The following ERBB4 variants were observed in gnomAD, a reference collection of about 807,000 sequenced individuals.
The protein encoded by ERBB4 is erb-b2 receptor tyrosine kinase 4.
Under a neutral mutation model 158.0 loss-of-function variants are expected in ERBB4, and 42 were observed. The ratio of observed to expected loss-of-function variants is 0.27; its 90% CI spans 0.21 to 0.34. The LOEUF (loss-of-function observed/expected upper bound fraction) is 0.34. ERBB4 is among the 10% of genes least tolerant of loss of function. ERBB4 has a pLI of 1.00. For synonymous variants in ERBB4, 583 were observed against 558.7 expected, an observed-to-expected ratio of 1.04 and a Z score of -0.61; for missense variants, 1,333 against 1,624.1, an observed-to-expected ratio of 0.82 and a Z score of 3.08.
At chr2:212,192,321 AC>A (rs2082299215) in intron 1 of ERBB4, among the ~76,000 whole-genome samples, 1 of 151,518 alleles carries the variant, frequency 6.6e-6, no homozygotes, top group Admixed American at 6.6e-5. Flanking sequence ...TTGAAATAGA[AC>A]TTTTTAAATT....
chr2:212,393,049 A>G (rs2090924601), intron 1 of ERBB4, among the ~76,000 whole-genome samples: 1 of 152,040 alleles, frequency 6.6e-6, no homozygotes, highest in African/African-American at 2.4e-5. Flanking sequence ...CCCTGGGCAA[A>G]TTGGCATGGC....
intron 2 of ERBB4, among the ~76,000 whole-genome samples, chr2:212,119,412 A>C (rs999954190): frequency 1.3e-5 from 2 of 152,184 alleles, no homozygotes; most frequent in Admixed American, 6.5e-5. Context: ...AAGTGCCAGC[A>C]GTAGCAAAGA....
intron 15 of ERBB4, chr2:211,658,045 TA>T: frequency 7.5e-7 from 1 of 1,324,928 alleles, no homozygotes; most frequent in Non-Finnish European, 1.1e-6. Flanking sequence ...ATTAGTCATT[TA>T]AAAAATCAGT....
chr2:211,664,128 G>A (rs1233638858), intron 15 of ERBB4, among the ~76,000 whole-genome samples: 1 of 152,188 alleles, frequency 6.6e-6, no homozygotes, highest in African/African-American at 2.4e-5. Flanking sequence ...TTCACAGAGT[G>A]AGTTAAGCTT....
At chr2:211,392,108 G>A (rs1206806974) in intron 25 of ERBB4, among the ~76,000 whole-genome samples, 1 of 152,122 alleles carries the variant, frequency 6.6e-6, no homozygotes, top group Non-Finnish European at 1.5e-5. Flanking sequence ...AACTATTAAA[G>A]GTTCTCAACC....
At chr2:212,050,188 C>T (rs1358459169) in intron 2 of ERBB4, among the ~76,000 whole-genome samples, 1 of 151,972 alleles carries the variant, frequency 6.6e-6, no homozygotes, top group East Asian at 1.9e-4. Context: ...CTGGACCAAA[C>T]AGGGTATGTC....
At chr2:211,509,824 C>A (rs1232973796) in intron 20 of ERBB4, among the ~76,000 whole-genome samples, 1 of 152,026 alleles carries the variant, frequency 6.6e-6, no homozygotes, top group Non-Finnish European at 1.5e-5. Context: ...TACAAGCAGC[C>A]AGCAAACACA....
At chr2:211,920,225 T>C (rs1391483233) in intron 3 of ERBB4, among the ~76,000 whole-genome samples, 2 of 151,996 alleles carry the variant, frequency 1.3e-5, no homozygotes, top group Non-Finnish European at 2.9e-5. Context: ...ACAGCCCTTT[T>C]GGCTTATTGT....
chr2:212,329,334 C>T (rs2088014389), intron 1 of ERBB4, among the ~76,000 whole-genome samples: 1 of 152,016 alleles, frequency 6.6e-6, no homozygotes, highest in Admixed American at 6.6e-5. Flanking sequence ...CAACTTGAGA[C>T]TATAGAATTG....
chr2:211,656,647 G>A (rs886097069), intron 16 of ERBB4, among the ~76,000 whole-genome samples: 13 of 152,032 alleles, frequency 8.6e-5, no homozygotes, highest in African/African-American at 1.7e-4. Flanking sequence ...CTTATCCTCC[G>A]ATCTCCAGCT....
intron 2 of ERBB4, among the ~76,000 whole-genome samples, chr2:212,008,124 T>G (rs2125299120): frequency 6.6e-6 from 1 of 152,220 alleles, no homozygotes; most frequent in Non-Finnish European, 1.5e-5. Flanking sequence ...TGAGCTGTAT[T>G]TTTGCAACTA....
intron 3 of ERBB4, among the ~76,000 whole-genome samples, chr2:211,849,173 A>G (rs183242556): frequency 6.6e-6 from 1 of 152,144 alleles, no homozygotes; most frequent in African/African-American, 2.4e-5. Flanking sequence ...ATCAACATGA[A>G]AAAGTATTAT....
At chr2:212,128,001 C>T (rs1425791554) in intron 1 of ERBB4, among the ~76,000 whole-genome samples, 3 of 152,182 alleles carry the variant, frequency 2.0e-5, no homozygotes, top group African/African-American at 7.2e-5. Flanking sequence ...TATGTTGTTA[C>T]TATTTGTCTC....
At chr2:211,686,113 T>C (rs142258522) in intron 12 of ERBB4, among the ~76,000 whole-genome samples, 3 of 152,260 alleles carry the variant, frequency 2.0e-5, no homozygotes, top group African/African-American at 7.2e-5. Flanking sequence ...TTTCTTGCCT[T>C]ATTTGCTAGG....
At chr2:212,164,834 T>A (rs2081300596) in intron 1 of ERBB4, among the ~76,000 whole-genome samples, 1 of 152,094 alleles carries the variant, frequency 6.6e-6, no homozygotes, top group Non-Finnish European at 1.5e-5. Context: ...TTTGCCTTGA[T>A]CATTTTGAAT....
intron 1 of ERBB4, among the ~76,000 whole-genome samples, chr2:212,266,147 C>T (rs1039662947): frequency 4.0e-5 from 6 of 151,692 alleles, no homozygotes; most frequent in African/African-American, 1.5e-4. Flanking sequence ...TTCCTTTGCC[C>T]TTAACTTTAT....
intron 1 of ERBB4, among the ~76,000 whole-genome samples, chr2:212,191,342 T>A (rs1230986904): frequency 2.0e-5 from 3 of 152,110 alleles, no homozygotes; most frequent in African/African-American, 4.8e-5. Context: ...CCATTTTTTT[T>A]AATGTTACTG....
At position 211,497,292 on chromosome 2, in the gene ERBB4, A is replaced by G. The variant is rs953645468; in HGVS notation, c.2487+64611T>C. 5.3e-5 allele frequency among the ~76,000 whole-genome samples: 8 copies of G among 152,172 alleles called. 1 individual carries two copies. In the East Asian group the frequency reaches 1.5e-3, roughly 29 times the overall value. ...AAAGATGCAAACACGAGTTAAAAAAACAAAGATGAGCATATAATAGTGGCA... is the reference window on the plus strand; with the variant it reads ...AAAGATGCAAACACGAGTTAAAAAAGCAAAGATGAGCATATAATAGTGGCA... On this transcript the variant is annotated intron_variant, in intron 20 of 27. Transcript: ENST00000342788.
At chr2:212,317,791 T>G (rs746958455) in intron 1 of ERBB4, among the ~76,000 whole-genome samples, 9 of 151,178 alleles carry the variant, frequency 6.0e-5, no homozygotes, top group Non-Finnish European at 1.2e-4. Context: ...TCACTGGGTT[T>G]CAAATTTTTC....
Sources: gnomAD v4.1 joint callset for allele counts (sites outside exome capture counted in the v4.1 genomes callset) on GRCh38, gnomAD v4.1.1 for gene constraint, MANE v1.5 for transcripts, NCBI Gene and HGNC (gene_info 2026-07-23, HGNC 2026-07-21) for gene names.